ADCY10: variants seen among roughly 807,000 people sequenced by gnomAD.
The protein encoded by ADCY10 is adenylate cyclase 10, also known as adenylate cyclase type 10.
ADCY10 carries 156 observed loss-of-function variants against 183.3 expected under a neutral mutation model. That is an observed-to-expected ratio of 0.85 (90% confidence interval 0.75 to 0.97). The LOEUF is 0.97. Among genes scored for constraint, ADCY10 ranks in the 50% least tolerant of loss-of-function variants. ADCY10 has a pLI of 0.00. For missense variants in ADCY10, 1,745 were observed against 1,934.3 expected (o/e 0.90, Z 1.84); for synonymous variants, 645 against 670.0 (o/e 0.96, Z 0.58).
Position 167,878,473 on chromosome 1 carries a change from T to C in ADCY10, c.1379A>G (p.Tyr460Cys). The change falls in exon 12 of 33, where the codon TAT (tyrosine) becomes TGT (cysteine). Residue 460 changes from tyrosine (Y) to cysteine (C), a missense_variant. By Grantham distance (194) the Tyr-to-Cys change is radical. Transcript: ENST00000367851. Reference protein sequence around the residue: ...MKGVADSGPLYQYWGRTEKVM... With the variant: ...MKGVADSGPLCQYWGRTEKVM... ...TTTCTCAGTACGGCCCCAATACTGA[T>C]ACAATGGTCCAGAATCTGCAACACC... The C allele has an allele frequency of 6.2e-7, 1 of 1,614,132 alleles. No homozygotes were observed. The highest frequency in any genetic ancestry group is 8.5e-7 in the Non-Finnish European group (1 of 1,180,032).
chr1:167,839,935 G>A (rs1664488803), intron 21 of ADCY10, among the ~76,000 whole-genome samples: 1 of 151,900 alleles, frequency 6.6e-6, no homozygotes, highest in Non-Finnish European at 1.5e-5. Context: ...AAGTTGTAAT[G>A]GTGGCCAGGC....
At chr1:167,818,799 A>G (rs569859627) in intron 30 of ADCY10, among the ~76,000 whole-genome samples, 2 of 152,304 alleles carry the variant, frequency 1.3e-5, no homozygotes, top group African/African-American at 2.4e-5. Context: ...TTGGCCTCCC[A>G]AAGTGCTGGG....
chr1:167,861,896 G>T (rs1418779123), intron 14 of ADCY10, among the ~76,000 whole-genome samples: 1 of 152,104 alleles, frequency 6.6e-6, no homozygotes, highest in African/African-American at 2.4e-5. Context: ...AGATTTGATG[G>T]TTTAAAAGTT....
chr1:167,841,706 T>C (rs565271287), intron 21 of ADCY10, among the ~76,000 whole-genome samples: 16 of 152,084 alleles, frequency 1.1e-4, no homozygotes, highest in Non-Finnish European at 2.1e-4. Context: ...CCCAGGCTGG[T>C]CTTGAACCCT....
chr1:167,820,290 C>T, intron 30 of ADCY10: 1 of 1,333,012 alleles, frequency 7.5e-7, no homozygotes. Context: ...CAGCGCCGGC[C>T]GCCTAGCCAA....
chr1:167,876,808 A>G (rs1251306357), intron 12 of ADCY10, among the ~76,000 whole-genome samples: 2 of 152,210 alleles, frequency 1.3e-5, no homozygotes, highest in African/African-American at 2.4e-5. Flanking sequence ...GCTTTTGTCA[A>G]TGGACTATCT....
Position 167,899,213 on chromosome 1 carries a change from G to A in ADCY10, c.642+210C>T, listed in dbSNP as rs567278359. On this transcript the variant is annotated intron_variant, in intron 6 of 32. Transcript: ENST00000367851. ...CATATCCTCAGTTACCCATAAAGAA[G>A]CCTAATCATTTCCTCCTCAAGCTCA... 2.6e-5 allele frequency among the ~76,000 whole-genome samples: 4 copies of A among 152,258 alleles called. No individual in the cohort carries two copies. The East Asian group carries it at 7.7e-4, about 29-fold the overall frequency.
intron 1 of ADCY10, among the ~76,000 whole-genome samples, chr1:167,909,147 T>A (rs1330302456): frequency 6.6e-6 from 1 of 152,240 alleles, no homozygotes; most frequent in African/African-American, 2.4e-5. Context: ...AAACTTTATA[T>A]AAATGAAATC....
In ADCY10 at chr1:167,880,178, C is replaced by T. The variant is rs148550451; in HGVS notation, c.1153G>A (p.Gly385Ser). Residue 385 changes from glycine to serine, a missense_variant, in exon 11 of 33, where the codon GGT becomes AGT. Gly to Ser is a moderately conservative substitution (Grantham distance 56, BLOSUM62 0). Coordinates refer to ENST00000367851, the MANE Select transcript of ADCY10 (RefSeq NM_018417.6). ...QVHKIQTVSI[G>S]VASGIVFCGI... ...CAGAAGACAATCCCACTGGCAACAC[C>T]GATGGATACAGTTCTGGTGCAGGGG... The T allele has an allele frequency of 1.2e-4, 194 of 1,612,896 alleles. 1 individual carries two copies. Among genetic ancestry groups the T allele is most frequent in the Admixed American group, 7.7e-4 (46 of 59,882 alleles).
intron 12 of ADCY10, among the ~76,000 whole-genome samples, chr1:167,877,247 T>C (rs1356521261): frequency 6.7e-6 from 1 of 149,144 alleles, no homozygotes; most frequent in Non-Finnish European, 1.5e-5. Flanking sequence ...CTATCTCGTA[T>C]GGTCAATATT....
At chr1:167,913,636 C>T (rs145595289) in intron 1 of ADCY10, among the ~76,000 whole-genome samples, 106 of 151,878 alleles carry the variant, frequency 7.0e-4, no homozygotes, top group African/African-American at 2.5e-3. Context: ...TCTTTGTTTA[C>T]TCCACAGCAC....
At chr1:167,865,940 C>CCTGTGGGT (rs1447297108) in intron 14 of ADCY10, among the ~76,000 whole-genome samples, 3 of 152,198 alleles carry the variant, frequency 2.0e-5, no homozygotes, top group Non-Finnish European at 4.4e-5. Context: ...CTCTGCTATC[C>CCTGTGGGT]CTGTGGGTCA....
rs2032578 is a variant in ADCY10, at chr1:167,836,575, T to C, written c.3078-35A>G. Reference sequence around the variant, plus strand: ...TGCAGAAATAAATAATAGTAACTTATACAGTATCACTTTTGATATTAAAAT... The same window carrying C: ...TGCAGAAATAAATAATAGTAACTTACACAGTATCACTTTTGATATTAAAAT... On this transcript the variant is annotated intron_variant, in intron 22 of 32. Transcript: ENST00000367851. 0.056 allele frequency: 77,679 copies of C among 1,382,856 alleles called. 2,690 individuals are homozygous for C. The highest frequency in any genetic ancestry group is 0.13 in the African/African-American group (8,905 of 70,438). The allele number at this position is 1,382,856 out of a possible 1,614,324, so 85.7% of individuals were successfully genotyped here. A position where few individuals can be genotyped will look rare whatever the true frequency, so the allele number is the denominator to read the frequency against.
intron 12 of ADCY10, among the ~76,000 whole-genome samples, chr1:167,875,919 C>A (rs535301799): frequency 1.1e-4 from 17 of 151,656 alleles, no homozygotes; most frequent in African/African-American, 3.9e-4. Context: ...CACCACTGCA[C>A]TCCAGCGTGG....
intron 24 of ADCY10, among the ~76,000 whole-genome samples, chr1:167,833,461 C>G (rs1282409257): frequency 6.6e-6 from 1 of 152,104 alleles, no homozygotes; most frequent in African/African-American, 2.4e-5. Flanking sequence ...AGGTGTCAAC[C>G]TGGGCCGGGC....
intron 14 of ADCY10, among the ~76,000 whole-genome samples, chr1:167,868,813 C>A (rs1238114489): frequency 6.6e-6 from 1 of 152,212 alleles, no homozygotes; most frequent in African/African-American, 2.4e-5. Flanking sequence ...CACTTAGACA[C>A]AAGATGGCTC....
chr1:167,824,557 T>C lies in ADCY10; in HGVS notation c.3971A>G (p.Gln1324Arg), dbSNP rs758522273. 6 of 1,614,194 alleles carry C rather than the reference T, an allele frequency of 3.7e-6. No homozygotes were observed. The highest frequency in any genetic ancestry group is 1.7e-5 in the Admixed American group (1 of 60,022). ...LAIELGSRAL[Q>R]MWALLQNPNR... ...GGGATTCTGGAGCAGTGCCCACATC[T>C]GAAGGGCTCGGGAGCCTGGGAAGAA... The change falls in exon 28 of 33, where the codon CAG becomes CGG. Residue 1324 changes from glutamine (Q) to arginine (R), a missense_variant. Coordinates refer to ENST00000367851, the MANE Select transcript of ADCY10 (RefSeq NM_018417.6).
Position 167,901,820 on chromosome 1 carries a change from A to G in ADCY10, c.293-15T>C. The G allele has an allele frequency of 3.1e-6, 5 of 1,614,226 alleles. 1 individual carries two copies. The South Asian group carries it at 5.5e-5, about 18-fold the overall frequency. Reference sequence around the variant, plus strand: ...CAGTGCATCACCTTCAGAGAGAGACATGCCGCGGGCTTTTGACCTGCCCTG... The same window carrying G: ...CAGTGCATCACCTTCAGAGAGAGACGTGCCGCGGGCTTTTGACCTGCCCTG... On this transcript the variant is annotated splice_polypyrimidine_tract_variant and intron_variant, in intron 4 of 32. Transcript: ENST00000367851.
intron 25 of ADCY10, among the ~76,000 whole-genome samples, chr1:167,832,054 A>G (rs1663775818): frequency 2.0e-5 from 3 of 152,140 alleles, no homozygotes; most frequent in Non-Finnish European, 4.4e-5. Flanking sequence ...TTAAAGGAAC[A>G]TGTTTGGAAG....
Sources: gnomAD v4.1 joint callset for allele counts (sites outside exome capture counted in the v4.1 genomes callset) on GRCh38, gnomAD v4.1.1 for gene constraint, MANE v1.5 for transcripts, NCBI Gene and HGNC (gene_info 2026-07-23, HGNC 2026-07-21) for gene names.